SGCZ: variants seen among roughly 807,000 people sequenced by gnomAD.
SGCZ encodes zeta-sarcoglycan.
A neutral mutation model predicts 41.3 loss-of-function variants in SGCZ; 40 were observed. The observed-to-expected ratio is 0.97, with a 90% CI of 0.75 to 1.26. The LOEUF (loss-of-function observed/expected upper bound fraction) is 1.26. SGCZ is among the 50% of genes most tolerant of loss of function. The probability of loss-of-function intolerance (pLI) is 0.00; values close to 1 mark genes in which losing one functional copy is unlikely to be tolerated. For missense variants in SGCZ, 552 were observed against 369.8 expected (o/e 1.49, Z -4.04); for synonymous variants, 206 against 137.5 (o/e 1.50, Z -3.49).
At chr8:14,518,572 A>T (rs1212122697) in intron 2 of SGCZ, among the ~76,000 whole-genome samples, 3 of 152,138 alleles carry the variant, frequency 2.0e-5, no homozygotes, top group Non-Finnish European at 4.4e-5. Flanking sequence ...AACTTTGTCT[A>T]GAATTCCTTA....
chr8:14,174,758 G>C (rs1023074861), intron 4 of SGCZ, among the ~76,000 whole-genome samples: 1 of 152,236 alleles, frequency 6.6e-6, no homozygotes, highest in South Asian at 2.1e-4. Context: ...CCACAGTCTG[G>C]GTGGCTTAAA....
intron 1 of SGCZ, among the ~76,000 whole-genome samples, chr8:14,803,006 G>A (rs1464260983): frequency 1.3e-5 from 2 of 152,068 alleles, no homozygotes; most frequent in African/African-American, 4.8e-5. Context: ...CTTGCCCACT[G>A]CTCCCTTGGA....
At chr8:15,196,462 G>T (rs1455360586) in intron 1 of SGCZ, among the ~76,000 whole-genome samples, 1 of 152,070 alleles carries the variant, frequency 6.6e-6, no homozygotes, top group African/African-American at 2.4e-5. Flanking sequence ...TTATCATCCT[G>T]CAAGTGAAAA....
intron 1 of SGCZ, among the ~76,000 whole-genome samples, chr8:15,138,004 G>A (rs978556269): frequency 6.6e-6 from 1 of 152,152 alleles, no homozygotes; most frequent in Non-Finnish European, 1.5e-5. Context: ...CAGTCCCGGA[G>A]GGGGACTGTA....
intron 2 of SGCZ, among the ~76,000 whole-genome samples, chr8:14,551,571 TATATATATA>T (rs1563404836): frequency 6.2e-5 from 1 of 16,128 alleles, no homozygotes; most frequent in African/African-American, 3.8e-4. Flanking sequence ...ATATATATAA[TATATATATA>T]ATATATATAA....
intron 1 of SGCZ, among the ~76,000 whole-genome samples, chr8:14,702,058 A>T (rs1809155576): frequency 6.6e-6 from 1 of 151,804 alleles, no homozygotes; most frequent in South Asian, 2.1e-4. Context: ...AAATTCTCCC[A>T]TTAGGTTCTT....
At chr8:14,105,443 C>T (rs937194666) in intron 6 of SGCZ, among the ~76,000 whole-genome samples, 1 of 151,758 alleles carries the variant, frequency 6.6e-6, no homozygotes, top group Admixed American at 6.6e-5. Flanking sequence ...ACTTGGCCAA[C>T]CAATGAAACC....
intron 1 of SGCZ, among the ~76,000 whole-genome samples, chr8:14,857,720 G>C (rs1357067840): frequency 6.6e-6 from 1 of 151,984 alleles, no homozygotes; most frequent in East Asian, 1.9e-4. Flanking sequence ...AAAAAAATTA[G>C]CCCAGCGTGG....
At chr8:14,907,198 C>T (rs993907493) in intron 1 of SGCZ, among the ~76,000 whole-genome samples, 57 of 151,932 alleles carry the variant, frequency 3.8e-4, no homozygotes, top group African/African-American at 1.4e-3. Flanking sequence ...TTACAGTTAC[C>T]CATTATTATT....
intron 1 of SGCZ, among the ~76,000 whole-genome samples, chr8:14,923,650 T>C (rs1159833385): frequency 6.6e-6 from 1 of 152,216 alleles, no homozygotes; most frequent in Admixed American, 6.5e-5. Context: ...TTAAAGTACA[T>C]TGGAAACATA....
At position 14,085,246 on chromosome 8, in the gene SGCZ, A is replaced by G. The variant is rs1801491615; in HGVS notation, c.*5197T>C. Among the ~76,000 whole-genome samples, 1 of 151,812 alleles carries G rather than the reference A, an allele frequency of 6.6e-6. No individual in the cohort carries two copies. Among genetic ancestry groups the G allele is most frequent in the Non-Finnish European group, 1.5e-5 (1 of 67,808 alleles). Reference sequence around the variant, plus strand: ...CATGTTGCATAGTATGTGTAAGAAAATAGTTCCATTTTTCATATATCTATA... The same window carrying G: ...CATGTTGCATAGTATGTGTAAGAAAGTAGTTCCATTTTTCATATATCTATA... On this transcript the variant is annotated 3_prime_UTR_variant, in exon 8 of 8. Transcript: ENST00000382080.
chr8:14,221,004 T>C (rs929250297), intron 4 of SGCZ, among the ~76,000 whole-genome samples: 2 of 96,002 alleles, frequency 2.1e-5, no homozygotes, highest in African/African-American at 9.8e-5. Flanking sequence ...TTGGTGTGCC[T>C]AATATAGAAA....
In SGCZ at chr8:14,703,897, G is replaced by A. The variant is rs775471912; in HGVS notation, c.40-148971C>T. ...TAAGCAACTCATTAGAATTTGTTAT[G>A]GTGGCTCTGAAGTTTAATGAGCAGG... On this transcript the variant is annotated intron_variant, in intron 1 of 7. Transcript: ENST00000382080. Among the ~76,000 whole-genome samples, 5 of 151,968 alleles carry A rather than the reference G, an allele frequency of 3.3e-5. 1 individual carries two copies. Among genetic ancestry groups the A allele is most frequent in the Admixed American group, 2.6e-4 (4 of 15,208 alleles).
chr8:14,559,607 G>A (rs1338642976), intron 1 of SGCZ, among the ~76,000 whole-genome samples: 3 of 151,908 alleles, frequency 2.0e-5, no homozygotes, highest in South Asian at 2.1e-4. Context: ...AAAATTATTT[G>A]GTTTTCCATC....
chr8:14,431,493 G>A (rs760241812), intron 2 of SGCZ, among the ~76,000 whole-genome samples: 1 of 152,082 alleles, frequency 6.6e-6, no homozygotes. Context: ...CCACATGTAG[G>A]AGAATGAAAC....
intron 2 of SGCZ, among the ~76,000 whole-genome samples, chr8:14,470,003 G>A (rs1011334390): frequency 3.9e-5 from 6 of 152,086 alleles, no homozygotes; most frequent in African/African-American, 1.4e-4. Context: ...GGGTTGATGG[G>A]AACCCCAGCT....
chr8:15,143,457 G>C lies in SGCZ; in HGVS notation c.39+94128C>G, dbSNP rs114119726. Among the ~76,000 whole-genome samples, 655 of 152,298 alleles carry C rather than the reference G, an allele frequency of 4.3e-3. 7 individuals carry two copies. The highest frequency in any genetic ancestry group is 0.015 in the African/African-American group (618 of 41,566). ...GAAATGTATTTAAGAGAATTTCAAAGAAACATTTTGCATTTATAATATTCT... is the reference window on the plus strand; with the variant it reads ...GAAATGTATTTAAGAGAATTTCAAACAAACATTTTGCATTTATAATATTCT... On this transcript the variant is annotated intron_variant, in intron 1 of 7. Transcript: ENST00000382080.
intron 2 of SGCZ, among the ~76,000 whole-genome samples, chr8:14,440,277 T>C (rs542078421): frequency 5.3e-4 from 81 of 152,128 alleles, no homozygotes; most frequent in Non-Finnish European, 7.5e-4. Context: ...AATTAAGTGC[T>C]TCAACAAAAT....
chr8:14,402,674 G>C (rs28767337), intron 2 of SGCZ, among the ~76,000 whole-genome samples: 7,360 of 127,800 alleles, frequency 0.058, 391 homozygotes, highest in African/African-American at 0.1. Context: ...CAGTACCACG[G>C]TGTTTTGGTT....
Sources: allele counts gnomAD v4.1 joint callset (sites outside exome capture counted in the v4.1 genomes callset), GRCh38; gene constraint gnomAD v4.1.1; transcripts MANE v1.5; gene names NCBI Gene and HGNC (gene_info 2026-07-23, HGNC 2026-07-21).